CCSER1: variants seen among roughly 807,000 people sequenced by gnomAD.
CCSER1 encodes serine-rich coiled-coil domain-containing protein 1.
Under a neutral mutation model 82.0 loss-of-function variants are expected in CCSER1, and 41 were observed. The observed-to-expected ratio is 0.50, with a 90% CI of 0.39 to 0.65. The LOEUF is 0.65. Among genes scored for constraint, CCSER1 ranks in the 30% least tolerant of loss-of-function variants. The pLI, the probability that CCSER1 is intolerant of heterozygous loss-of-function variation, is 0.00. For missense variants in CCSER1, 1,119 were observed against 1,064.2 expected (o/e 1.05, Z -0.72); for synonymous variants, 414 against 383.9 (o/e 1.08, Z -0.92).
chr4:90,367,728 T>G (rs193123714), intron 3 of CCSER1, among the ~76,000 whole-genome samples: 1 of 151,840 alleles, frequency 6.6e-6, no homozygotes, highest in African/African-American at 2.4e-5. Context: ...ACGGAGTTGG[T>G]GACAGAGGTG....
chr4:91,148,800 C>T (rs895136531), intron 10 of CCSER1, among the ~76,000 whole-genome samples: 1 of 152,192 alleles, frequency 6.6e-6, no homozygotes, highest in Non-Finnish European at 1.5e-5. Flanking sequence ...CATGTCCCTA[C>T]AAAGGACATG....
chr4:90,702,236 GT>G (rs1165780870), intron 6 of CCSER1, among the ~76,000 whole-genome samples: 3 of 151,992 alleles, frequency 2.0e-5, no homozygotes, highest in Admixed American at 6.6e-5. Context: ...GATAATCGTG[GT>G]TTTTGTCTTT....
At chr4:90,923,922 A>C (rs886947158) in intron 9 of CCSER1, among the ~76,000 whole-genome samples, 3 of 152,190 alleles carry the variant, frequency 2.0e-5, no homozygotes, top group Non-Finnish European at 4.4e-5. Flanking sequence ...GCAGAAAGTA[A>C]TTTAATTGAA....
chr4:91,311,360 T>C (rs997408527), intron 10 of CCSER1, among the ~76,000 whole-genome samples: 1 of 151,948 alleles, frequency 6.6e-6, no homozygotes, highest in Non-Finnish European at 1.5e-5. Flanking sequence ...AAAATTACAA[T>C]GTTTTTCTCC....
chr4:90,398,668 T>G (rs930403505), intron 3 of CCSER1, among the ~76,000 whole-genome samples: 1 of 152,212 alleles, frequency 6.6e-6, no homozygotes, highest in Admixed American at 6.5e-5. Context: ...ATAAGTAGTT[T>G]ATTCTTATTG....
At chr4:91,291,651 A>G (rs1339101002) in intron 10 of CCSER1, among the ~76,000 whole-genome samples, 1 of 152,002 alleles carries the variant, frequency 6.6e-6, no homozygotes, top group Non-Finnish European at 1.5e-5. Context: ...TCACGAGAAC[A>G]GCACCAAGGG....
chr4:90,186,371 G>T (rs575484514), intron 1 of CCSER1, among the ~76,000 whole-genome samples: 7 of 151,392 alleles, frequency 4.6e-5, no homozygotes, highest in Non-Finnish European at 1.0e-4. Flanking sequence ...TAAAACCTAA[G>T]ATGTTTAACC....
intron 8 of CCSER1, among the ~76,000 whole-genome samples, chr4:90,890,654 A>AAGCCACCCTC (rs1561312954): frequency 6.6e-6 from 1 of 152,118 alleles, no homozygotes; most frequent in Non-Finnish European, 1.5e-5. Flanking sequence ...GATGAAGCCA[A>AAGCCACCCTC]AGCCACCCTC....
At chr4:90,725,252 T>G (rs1743432541) in intron 7 of CCSER1, among the ~76,000 whole-genome samples, 1 of 151,738 alleles carries the variant, frequency 6.6e-6, no homozygotes, top group Non-Finnish European at 1.5e-5. Context: ...TTTTTTCTTT[T>G]TAATATTTTG....
chr4:91,286,721 C>T (rs888015259), intron 10 of CCSER1, among the ~76,000 whole-genome samples: 2 of 151,616 alleles, frequency 1.3e-5, no homozygotes, highest in African/African-American at 4.8e-5. Context: ...TTAAGAGTTC[C>T]AAATTACAGA....
At chr4:91,074,867 G>A (rs971568322) in intron 9 of CCSER1, among the ~76,000 whole-genome samples, 3 of 152,070 alleles carry the variant, frequency 2.0e-5, no homozygotes, top group Non-Finnish European at 4.4e-5. Flanking sequence ...CTGTCACAAC[G>A]AAATCTCTGA....
At chr4:91,107,444 A>G (rs755733494) in intron 10 of CCSER1, among the ~76,000 whole-genome samples, 4 of 151,952 alleles carry the variant, frequency 2.6e-5, no homozygotes, top group Non-Finnish European at 5.9e-5. Flanking sequence ...TTTAGTAGAG[A>G]TGGGGTTTCA....
At chr4:91,179,332 A>C (rs1733753766) in intron 10 of CCSER1, among the ~76,000 whole-genome samples, 1 of 152,142 alleles carries the variant, frequency 6.6e-6, no homozygotes, top group African/African-American at 2.4e-5. Context: ...GCATTTCCTG[A>C]ATTTGAATGT....
At chr4:91,146,492 T>A (rs1729551217) in intron 10 of CCSER1, among the ~76,000 whole-genome samples, 1 of 152,192 alleles carries the variant, frequency 6.6e-6, no homozygotes. Context: ...AAGGAATCAC[T>A]CAGGCTTTTT....
chr4:90,338,973 C>T (rs1740897419), intron 3 of CCSER1, among the ~76,000 whole-genome samples: 1 of 152,142 alleles, frequency 6.6e-6, no homozygotes, highest in Non-Finnish European at 1.5e-5. Context: ...CGAGTAAAAG[C>T]AGCATTTGTT....
intron 1 of CCSER1, among the ~76,000 whole-genome samples, chr4:90,211,617 G>A (rs552200705): frequency 1.6e-4 from 25 of 152,310 alleles, no homozygotes; most frequent in African/African-American, 6.0e-4. Context: ...CTGGTGGGAT[G>A]TAGTATTCTT....
At chr4:91,035,606 A>T (rs182187585) in intron 9 of CCSER1, among the ~76,000 whole-genome samples, 223 of 152,206 alleles carry the variant, frequency 1.5e-3, no homozygotes, top group African/African-American at 5.1e-3. Flanking sequence ...ATTTTAAAAA[A>T]TTTTTACAAT....
At chr4:90,898,269 C>CT (rs70963094) in intron 8 of CCSER1, among the ~76,000 whole-genome samples, 1,504 of 52,402 alleles carry the variant, frequency 0.029, 426 homozygotes, top group Non-Finnish European at 0.04. Flanking sequence ...TTTAATCCAT[C>CT]TTTTTTTTTT....
intron 10 of CCSER1, among the ~76,000 whole-genome samples, chr4:91,570,585 C>G (rs561228759): frequency 6.6e-6 from 1 of 152,222 alleles, no homozygotes; most frequent in South Asian, 2.1e-4. Context: ...TCTGAAGCCA[C>G]GACCCAAGCT....
Sources: allele counts gnomAD v4.1 joint callset (sites outside exome capture counted in the v4.1 genomes callset), GRCh38; gene constraint gnomAD v4.1.1; transcripts MANE v1.5; gene names NCBI Gene and HGNC (gene_info 2026-07-23, HGNC 2026-07-21).